The following PAMR1 variants were observed in gnomAD, a reference collection of about 807,000 sequenced individuals.
PAMR1 encodes inactive serine protease PAMR1.
A neutral mutation model predicts 81.8 loss-of-function variants in PAMR1; 88 were observed. That is an observed-to-expected ratio of 1.08 (90% confidence interval 0.91 to 1.28). The LOEUF (loss-of-function observed/expected upper bound fraction) is 1.28. PAMR1 is among the 50% of genes most tolerant of loss of function. The pLI, the probability that PAMR1 is intolerant of heterozygous loss-of-function variation, is 0.00. For missense variants in PAMR1, 935 were observed against 919.7 expected (o/e 1.02, Z -0.21); for synonymous variants, 336 against 345.3 (o/e 0.97, Z 0.30).
At chr11:35,521,256 A>G (rs1565364781) in intron 1 of PAMR1, among the ~76,000 whole-genome samples, 1 of 152,218 alleles carries the variant, frequency 6.6e-6, no homozygotes, top group African/African-American at 2.4e-5. Flanking sequence ...AGACACTGAT[A>G]AAAGTCTGAT....
intron 4 of PAMR1, among the ~76,000 whole-genome samples, chr11:35,472,005 T>C (rs568667803): frequency 6.6e-6 from 1 of 152,358 alleles, no homozygotes; most frequent in Non-Finnish European, 1.5e-5. Context: ...ACAATCAGTA[T>C]ATTGATTGTA....
chr11:35,440,421 C>T (rs1006778985), intron 7 of PAMR1, among the ~76,000 whole-genome samples: 1 of 152,210 alleles, frequency 6.6e-6, no homozygotes, highest in African/African-American at 2.4e-5. Context: ...ATGAAGGTCG[C>T]TTCTGGCTAA....
intron 6 of PAMR1, among the ~76,000 whole-genome samples, chr11:35,449,220 G>A (rs1269736744): frequency 6.6e-6 from 1 of 151,162 alleles, no homozygotes; most frequent in Non-Finnish European, 1.5e-5. Flanking sequence ...AGCCACCTCA[G>A]AGCCAGCAAG....
Position 35,441,624 on chromosome 11 carries a change from G to A in PAMR1, c.890C>T (p.Pro297Leu). 1.2e-6 allele frequency: 2 copies of A among 1,614,016 alleles called. No homozygotes were observed. Among genetic ancestry groups the A allele is most frequent in the Non-Finnish European group, 1.7e-6 (2 of 1,179,908 alleles). ...AGCATGGCGTCCGTTGATAAGCCCA[G>A]GGCCCCCTGTTATTTTCTGGTACCC... Reference protein sequence around the residue: ...VNGYQKITGGPGLINGRHAKI... With the variant: ...VNGYQKITGGLGLINGRHAKI... The change falls in exon 7 of 11, where the codon CCT becomes CTT. Residue 297 changes from proline to leucine, a missense_variant. Coordinates refer to ENST00000619888, the MANE Select transcript of PAMR1 (RefSeq NM_001001991.3).
rs891930310 is a variant in PAMR1, at chr11:35,432,103, G to T, written c.*253C>A. ...GTGGAGTGGAGAGGTTTTGTATATG[G>T]TCTTCTTTGAAGAAACTTACTTCTT... On this transcript the variant is annotated 3_prime_UTR_variant, in exon 11 of 11. Transcript: ENST00000619888. The T allele has an allele frequency of 5.9e-6, 3 of 510,774 alleles. No homozygotes were observed. The highest frequency in any genetic ancestry group is 1.1e-5 in the Non-Finnish European group (3 of 285,616). The allele number at this position is 510,774 out of a possible 1,614,324, so 31.6% of individuals were successfully genotyped here. A position where few individuals can be genotyped will look rare whatever the true frequency, so the allele number is the denominator to read the frequency against.
intron 6 of PAMR1, among the ~76,000 whole-genome samples, chr11:35,454,555 T>C (rs1267338996): frequency 6.6e-6 from 1 of 152,106 alleles, no homozygotes; most frequent in Non-Finnish European, 1.5e-5. Flanking sequence ...GATAAATCAG[T>C]TGGACCCAAG....
intron 1 of PAMR1, among the ~76,000 whole-genome samples, chr11:35,511,317 C>T (rs752582747): frequency 9.9e-5 from 15 of 152,196 alleles, no homozygotes; most frequent in African/African-American, 3.4e-4. Flanking sequence ...CCTCAGGCAT[C>T]GTCTGCAAGT....
intron 6 of PAMR1, among the ~76,000 whole-genome samples, chr11:35,467,333 G>C (rs546032643): frequency 6.6e-6 from 1 of 152,180 alleles, no homozygotes; most frequent in Non-Finnish European, 1.5e-5. Flanking sequence ...ATCTGCTTTG[G>C]GAAAACCTAC....
At chr11:35,509,920 A>G (rs1851042104) in intron 1 of PAMR1, among the ~76,000 whole-genome samples, 1 of 152,200 alleles carries the variant, frequency 6.6e-6, no homozygotes, top group Admixed American at 6.5e-5. Context: ...AATAAATTTT[A>G]CCTTGTCGGT....
chr11:35,492,172 AC>A lies in PAMR1; in HGVS notation c.251del (p.Gly84ValfsTer25). On this transcript the variant is annotated frameshift_variant and splice_region_variant, in exon 3 of 11. Coordinates refer to ENST00000619888, the MANE Select transcript of PAMR1 (RefSeq NM_001001991.3). LOFTEE classifies it high-confidence loss of function. ...TCTTGCAGTTTTCAAAGATGGTACA[AC>A]CTGAAACATTCCCAAGAAGAGGAGT... ...NECDSCLIHP[G>X]CTIFENCKSC... 2 of 1,614,062 alleles carry A rather than the reference AC, an allele frequency of 1.2e-6. No homozygotes were observed. Among genetic ancestry groups the A allele is most frequent in the Non-Finnish European group, 1.7e-6 (2 of 1,179,980 alleles).
chr11:35,523,068 T>C (rs1245911160), intron 1 of PAMR1, among the ~76,000 whole-genome samples: 1 of 152,200 alleles, frequency 6.6e-6, no homozygotes, highest in East Asian at 1.9e-4. Flanking sequence ...AGATTGTATA[T>C]TAGGGGAACA....
chr11:35,524,143 A>G (rs1210456283), intron 1 of PAMR1, among the ~76,000 whole-genome samples: 1 of 152,044 alleles, frequency 6.6e-6, no homozygotes, highest in Non-Finnish European at 1.5e-5. Flanking sequence ...GCCTTAATGC[A>G]AAGTCACCCA....
chr11:35,446,004 T>C (rs961885202), intron 6 of PAMR1, among the ~76,000 whole-genome samples: 5 of 152,206 alleles, frequency 3.3e-5, no homozygotes, highest in African/African-American at 4.8e-5. Flanking sequence ...CTACCTCGAT[T>C]TCAGAACTAG....
At chr11:35,466,323 A>C (rs1204103810) in intron 6 of PAMR1, among the ~76,000 whole-genome samples, 3 of 152,156 alleles carry the variant, frequency 2.0e-5, no homozygotes, top group Admixed American at 6.6e-5. Flanking sequence ...AGTCACACTC[A>C]AGTGAGCTGT....
intron 2 of PAMR1, among the ~76,000 whole-genome samples, chr11:35,493,187 A>G (rs1164868196): frequency 3.3e-5 from 5 of 152,082 alleles, no homozygotes; most frequent in African/African-American, 1.2e-4. Context: ...TAAGGTCCCC[A>G]TTATTTCTCT....
chr11:35,527,339 G>A (rs1437983508), upstream of PAMR1, among the ~76,000 whole-genome samples: 1 of 152,080 alleles, frequency 6.6e-6, no homozygotes, highest in Non-Finnish European at 1.5e-5. Flanking sequence ...ATAAGATTAC[G>A]CATGTAAGGC....
chr11:35,470,860 G>T, intron 4 of PAMR1, 42 bp from the exon 5 acceptor site: 1 of 1,426,256 alleles, frequency 7.0e-7, no homozygotes, highest in South Asian at 1.2e-5. Flanking sequence ...GATGGGCCCT[G>T]GACAGTCCTG....
intron 1 of PAMR1, among the ~76,000 whole-genome samples, chr11:35,519,590 G>A (rs546984532): frequency 6.6e-6 from 1 of 152,292 alleles, no homozygotes; most frequent in Admixed American, 6.5e-5. Flanking sequence ...AAACTGGTTG[G>A]ACTTTTGGTC....
chr11:35,521,848 G>A (rs1851286330), intron 1 of PAMR1, among the ~76,000 whole-genome samples: 1 of 152,040 alleles, frequency 6.6e-6, no homozygotes, highest in African/African-American at 2.4e-5. Context: ...CAGTGTAGTT[G>A]TTTATTTATT....
Sources: allele counts gnomAD v4.1 joint callset (sites outside exome capture counted in the v4.1 genomes callset), GRCh38; gene constraint gnomAD v4.1.1; transcripts MANE v1.5; gene names NCBI Gene and HGNC (gene_info 2026-07-23, HGNC 2026-07-21).